The following CSMD2 variants were observed in gnomAD, a reference collection of about 807,000 sequenced individuals.
The protein encoded by CSMD2 is CUB and sushi domain-containing protein 2.
Under a neutral mutation model 398.5 loss-of-function variants are expected in CSMD2, and 130 were observed. The observed-to-expected ratio is 0.33, with a 90% CI of 0.28 to 0.38. The LOEUF is 0.38. CSMD2 is among the 10% of genes least tolerant of loss of function. The pLI, the probability that CSMD2 is intolerant of heterozygous loss-of-function variation, is 1.00. For missense variants in CSMD2, 3,829 were observed against 4,764.9 expected (o/e 0.80, Z 5.78); for synonymous variants, 1,828 against 1,908.5 (o/e 0.96, Z 1.10).
At chr1:33,871,925 C>T (rs756975896) in intron 5 of CSMD2, among the ~76,000 whole-genome samples, 16 of 152,188 alleles carry the variant, frequency 1.1e-4, no homozygotes, top group Admixed American at 7.2e-4. Context: ...TCTTATAAAG[C>T]CACCAGTCCC....
rs1370163892 is a variant in CSMD2, at chr1:33,891,992, A to G, written c.920+26102T>C. Among the ~76,000 whole-genome samples the G allele has an allele frequency of 4.0e-5, 6 of 151,266 alleles. No homozygotes were observed. In the South Asian group the frequency reaches 8.4e-4, roughly 21 times the overall value. ...TGCAGCACACTAGCATGGCGCATGT[A>G]TACATATGTAACTAACCTGCACATT... On this transcript the variant is annotated intron_variant, in intron 5 of 70. Coordinates refer to ENST00000373381, the MANE Select transcript of CSMD2 (RefSeq NM_001281956.2).
intron 46 of CSMD2, among the ~76,000 whole-genome samples, chr1:33,584,129 C>A (rs1638909668): frequency 6.6e-6 from 1 of 152,150 alleles, no homozygotes; most frequent in African/African-American, 2.4e-5. Flanking sequence ...TACATACAGA[C>A]AACAGTAAGG....
intron 13 of CSMD2, among the ~76,000 whole-genome samples, chr1:33,759,990 A>G (rs936651026): frequency 6.6e-6 from 1 of 152,206 alleles, no homozygotes; most frequent in South Asian, 2.1e-4. Context: ...CTGGAATCCT[A>G]AACTGAAGCT....
chr1:33,622,138 C>T, intron 37 of CSMD2, 29 bp downstream of exon 37: 3 of 1,556,456 alleles, frequency 1.9e-6, no homozygotes, highest in Non-Finnish European at 2.7e-6. Flanking sequence ...ACCCTGAACC[C>T]TGTACCAGCC....
chr1:33,552,146 T>G (rs1490443215), intron 55 of CSMD2, among the ~76,000 whole-genome samples: 2 of 152,118 alleles, frequency 1.3e-5, no homozygotes, highest in African/African-American at 4.8e-5. Context: ...AGTAAACACA[T>G]AAAAATATGC....
chr1:33,515,792 G>C lies in CSMD2; in HGVS notation c.*832C>G, dbSNP rs1653713687. The C allele has an allele frequency of 6.6e-6, 1 of 152,162 alleles. No individual in the cohort carries two copies. The highest frequency in any genetic ancestry group is 2.1e-4 in the South Asian group (1 of 4,820). The allele number at this position is 152,162 out of a possible 1,614,324, so 9.4% of individuals were successfully genotyped here. A position where few individuals can be genotyped will look rare whatever the true frequency, so the allele number is the denominator to read the frequency against. Reference sequence around the variant, plus strand: ...GACTTGTCTTCTCTTCTCTTTGTCAGTTGACAGCCAGACTTGACCTTGGGC... The same window carrying C: ...GACTTGTCTTCTCTTCTCTTTGTCACTTGACAGCCAGACTTGACCTTGGGC... On this transcript the variant is annotated 3_prime_UTR_variant, in exon 71 of 71. Transcript: ENST00000373381.
chr1:33,546,374 T>A (rs566302136), intron 56 of CSMD2, among the ~76,000 whole-genome samples, 155 bp from the exon 57 acceptor site: 2 of 152,172 alleles, frequency 1.3e-5, no homozygotes, highest in Admixed American at 6.5e-5. Context: ...CCTGCCTCCA[T>A]ATGCAATGGT....
At chr1:33,597,071 G>T in intron 44 of CSMD2, among the ~76,000 whole-genome samples, 1 of 150,984 alleles carries the variant, frequency 6.6e-6, no homozygotes, top group East Asian at 1.9e-4. Flanking sequence ...TTTTTCAAGG[G>T]CATTTTTCTC....
intron 6 of CSMD2, among the ~76,000 whole-genome samples, chr1:33,844,706 C>T (rs1437498570): frequency 6.6e-6 from 1 of 152,216 alleles, no homozygotes; most frequent in African/African-American, 2.4e-5. Context: ...CGTTCCTCAA[C>T]TGTAAAATGG....
At position 33,777,398 on chromosome 1, in the gene CSMD2, C is replaced by T. The variant is rs548343513; in HGVS notation, c.1664-4647G>A. On this transcript the variant is annotated intron_variant, in intron 12 of 70. Transcript: ENST00000373381. Reference sequence around the variant, plus strand: ...CTTCTGTCCCTTTGACACCTCCTGTCCTGGCCTAAGCCTTCTCTCCAAGCT... The same window carrying T: ...CTTCTGTCCCTTTGACACCTCCTGTTCTGGCCTAAGCCTTCTCTCCAAGCT... Among the ~76,000 whole-genome samples the T allele has an allele frequency of 3.9e-5, 6 of 152,284 alleles. No homozygotes were observed. In the East Asian group the frequency reaches 1.2e-3, roughly 29 times the overall value.
chr1:33,607,689 G>T (rs886509907), intron 41 of CSMD2, among the ~76,000 whole-genome samples: 3 of 152,254 alleles, frequency 2.0e-5, no homozygotes, highest in Admixed American at 6.5e-5. Flanking sequence ...AGTCTGAGGG[G>T]AGCAGGTGCC....
At chr1:34,118,055 A>G (rs1661786002) in intron 1 of CSMD2, among the ~76,000 whole-genome samples, 1 of 152,074 alleles carries the variant, frequency 6.6e-6, no homozygotes, top group South Asian at 2.1e-4. Flanking sequence ...CTCTACTAAA[A>G]ATAAAAATAA....
At chr1:34,080,974 G>GAAAGAA (rs869103745) in intron 2 of CSMD2, among the ~76,000 whole-genome samples, 1 of 140,578 alleles carries the variant, frequency 7.1e-6, no homozygotes, top group Non-Finnish European at 1.6e-5. Context: ...AAGAAAGAAA[G>GAAAGAA]AAATGCACAG....
intron 3 of CSMD2, among the ~76,000 whole-genome samples, chr1:33,983,286 C>T (rs1342030592): frequency 6.6e-6 from 1 of 152,170 alleles, no homozygotes; most frequent in Non-Finnish European, 1.5e-5. Flanking sequence ...TTATTTATGG[C>T]CTCATGCTCA....
At chr1:33,859,011 T>C (rs1305374439) in intron 5 of CSMD2, among the ~76,000 whole-genome samples, 2 of 152,156 alleles carry the variant, frequency 1.3e-5, no homozygotes, top group African/African-American at 4.8e-5. Flanking sequence ...GGTATAAAAC[T>C]TTCACCCTCA....
chr1:33,754,629 T>C (rs531738197), intron 13 of CSMD2, among the ~76,000 whole-genome samples: 3 of 152,386 alleles, frequency 2.0e-5, no homozygotes, highest in African/African-American at 7.2e-5. Flanking sequence ...GTGAAATGTA[T>C]GTTTCAATTA....
chr1:33,657,026 T>C (rs1037027938), intron 27 of CSMD2, among the ~76,000 whole-genome samples: 1 of 152,120 alleles, frequency 6.6e-6, no homozygotes, highest in Non-Finnish European at 1.5e-5. Flanking sequence ...TACCTTTCTT[T>C]CCCATCCCAG....
intron 13 of CSMD2, among the ~76,000 whole-genome samples, chr1:33,762,891 A>G (rs1650009321): frequency 6.6e-6 from 1 of 152,034 alleles, no homozygotes; most frequent in South Asian, 2.1e-4. Context: ...TCCCTTCCAC[A>G]TTTTGCTGCA....
intron 6 of CSMD2, among the ~76,000 whole-genome samples, chr1:33,836,090 C>T (rs181613137): frequency 6.6e-6 from 1 of 152,300 alleles, no homozygotes; most frequent in East Asian, 1.9e-4. Context: ...CAGTCAGGAC[C>T]CTCAGCTGCA....
Sources: allele counts gnomAD v4.1 joint callset (sites outside exome capture counted in the v4.1 genomes callset), GRCh38; gene constraint gnomAD v4.1.1; transcripts MANE v1.5; gene names NCBI Gene and HGNC (gene_info 2026-07-23, HGNC 2026-07-21).